Variants in DHX38 observed in about 807,000 individuals in gnomAD.
DHX38 encodes the protein pre-mRNA-splicing factor ATP-dependent RNA helicase PRP16.
A neutral mutation model predicts 153.1 loss-of-function variants in DHX38; 100 were observed. The observed-to-expected ratio is 0.65, with a 90% CI of 0.56 to 0.77. DHX38 has a LOEUF of 0.77. Among genes scored for constraint, DHX38 ranks in the 30% least tolerant of loss-of-function variants. DHX38 has a pLI of 0.00. For missense variants in DHX38, 1,440 were observed against 1,654.0 expected (o/e 0.87, Z 2.24); for synonymous variants, 650 against 631.7 (o/e 1.03, Z -0.43).
At position 72,099,187 on chromosome 16, in the gene DHX38, T is replaced by C. The variant is rs763467890; in HGVS notation, c.884-17T>C. 1.3e-5 allele frequency: 21 copies of C among 1,604,278 alleles called. No individual in the cohort carries two copies. Among genetic ancestry groups the C allele is most frequent in the Non-Finnish European group, 1.5e-5 (18 of 1,175,798 alleles). Reference sequence around the variant, plus strand: ...CAGGCCAGGGCATGGACTGACCTGCTTCCTGTGCTCCTCCAGGAAGACGTG... The same window carrying C: ...CAGGCCAGGGCATGGACTGACCTGCCTCCTGTGCTCCTCCAGGAAGACGTG... On this transcript the variant is annotated splice_polypyrimidine_tract_variant and intron_variant, in intron 6 of 26. Transcript: ENST00000268482.
Position 72,107,889 on chromosome 16 carries a change from C to T in DHX38, c.2964+90C>T. On this transcript the variant is annotated intron_variant, in intron 21 of 26. Coordinates refer to ENST00000268482, the MANE Select transcript of DHX38 (RefSeq NM_014003.4). This position sits in a 1 kb window ranked among gnomAD's most constrained non-coding sequence, Gnocchi z 5.3. ...TTCTCTCTGTATTACTGAAATGGAA[C>T]AGAGGGCAGAATCAGAGTTTCTGAA... is the stretch of plus-strand genomic sequence containing the variant. 6.7e-7 allele frequency: 1 copy of T among 1,495,050 alleles called. No individual in the cohort carries two copies. Among genetic ancestry groups the T allele is most frequent in the Non-Finnish European group, 9.0e-7 (1 of 1,110,356 alleles). The allele number at this position is 1,495,050 out of a possible 1,614,324, so 92.6% of individuals were successfully genotyped here. A position where few individuals can be genotyped will look rare whatever the true frequency, so the allele number is the denominator to read the frequency against.
At position 72,106,129 on chromosome 16, in the gene DHX38, G is replaced by A. The variant is rs767445480; in HGVS notation, c.2600+12G>A. Reference sequence around the variant, plus strand: ...GGTCAGTGTTTCAGGTAGGAGCCCTGTGCTAGCCTGCTTTCTGGGGCAGCG... The same window carrying A: ...GGTCAGTGTTTCAGGTAGGAGCCCTATGCTAGCCTGCTTTCTGGGGCAGCG... On this transcript the variant is annotated intron_variant, in intron 19 of 26. Transcript: ENST00000268482. 1 of 1,613,330 alleles carries A rather than the reference G, an allele frequency of 6.2e-7. No homozygotes were observed. Among genetic ancestry groups the A allele is most frequent in the South Asian group, 1.1e-5 (1 of 91,056 alleles).
Position 72,093,924 on chromosome 16 carries a change from A to T in DHX38, c.-147A>T, listed in dbSNP as rs1418201741. 1 of 152,374 alleles carries T rather than the reference A, an allele frequency of 6.6e-6. No individual in the cohort carries two copies. Among genetic ancestry groups the T allele is most frequent in the South Asian group, 2.1e-4 (1 of 4,832 alleles). The allele number at this position is 152,374 out of a possible 1,614,324, so 9.4% of individuals were successfully genotyped here. A position where few individuals can be genotyped will look rare whatever the true frequency, so the allele number is the denominator to read the frequency against. ...GGCGGATAGAGGGGGCGCGCAAAGT[A>T]TTAAGGGACAATAATGGCCGCTTTC... is the stretch of plus-strand genomic sequence containing the variant. On this transcript the variant is annotated 5_prime_UTR_variant, in exon 1 of 27. Transcript: ENST00000268482.
chr16:72,108,195 A>G, intron 21 of DHX38, 32 bp from the exon 22 acceptor site: 2 of 1,611,186 alleles, frequency 1.2e-6, no homozygotes, highest in African/African-American at 2.7e-5. Flanking sequence ...ACCCCCCTGT[A>G]CTTAGAGTGA....
chr16:72,103,134 A>C lies in DHX38; in HGVS notation c.1560A>C (p.Ala520=). Residue 520 remains alanine (A), a synonymous_variant, in exon 12 of 27, where the codon GCA becomes GCC. Coordinates refer to ENST00000268482, the MANE Select transcript of DHX38 (RefSeq NM_014003.4). ...AGAGCGAAGCCAGCAGTGAATTTGC[A>C]AAGAAGAAGTCCATCCTGGAGCAGA... ...KRKSEASSEF[A]KKKSILEQRQ... is the part of the protein sequence containing the mutation. 6.2e-7 allele frequency: 1 copy of C among 1,614,250 alleles called. No homozygotes were observed. Among genetic ancestry groups the C allele is most frequent in the Non-Finnish European group, 8.5e-7 (1 of 1,180,042 alleles).
At chr16:72,112,312 C>T in intron 26 of DHX38, 101 bp from the exon 27 acceptor site, 1 of 1,193,720 alleles carries the variant, frequency 8.4e-7, no homozygotes. Context: ...AGCTCCCCAC[C>T]ATGGGTTAGG....
chr16:72,103,751 G>C lies in DHX38; in HGVS notation c.1787G>C (p.Arg596Thr). 1 of 1,613,892 alleles carries C rather than the reference G, an allele frequency of 6.2e-7. No individual in the cohort carries two copies. Residue 596 changes from arginine to threonine, a missense_variant, in exon 13 of 27, where the codon AGA becomes ACA. Physicochemically the swap from Arg to Thr is moderately conservative, Grantham distance 71. Coordinates refer to ENST00000268482, the MANE Select transcript of DHX38 (RefSeq NM_014003.4). Reference sequence around the variant, plus strand: ...GTAGCTGCCATGTCAGTGGCCAAGAGAGTCAGTGAAGAGATGGGGGGAAAC... The same window carrying C: ...GTAGCTGCCATGTCAGTGGCCAAGACAGTCAGTGAAGAGATGGGGGGAAAC... ...RRVAAMSVAK[R>T]VSEEMGGNLG...
chr16:72,101,414 G>A, intron 10 of DHX38, 86 bp from the exon 11 acceptor site: 1 of 1,373,302 alleles, frequency 7.3e-7, no homozygotes, highest in Non-Finnish European at 1.0e-6. Context: ...CACCTGCGGG[G>A]TGAAGTCTGC....
In DHX38 at chr16:72,101,186, G is replaced by C; in HGVS notation, c.1379G>C (p.Arg460Pro). The C allele has an allele frequency of 6.2e-7, 1 of 1,614,228 alleles. No individual in the cohort carries two copies. Among genetic ancestry groups the C allele is most frequent in the Non-Finnish European group, 8.5e-7 (1 of 1,180,040 alleles). ...TVRKHREQKE[R>P]KKAQHKHWEL... ...CGGAAGCACAGGGAGCAGAAGGAGC[G>C]CAAGAAGGTTGGTTTCTTGGTTTCG... The change falls in exon 10 of 27, where the codon CGC becomes CCC. Residue 460 changes from arginine to proline, a missense_variant. Transcript: ENST00000268482.
chr16:72,110,865 A>G (rs562474263), intron 25 of DHX38, 91 bp from the exon 26 acceptor site: 1 of 1,476,022 alleles, frequency 6.8e-7, no homozygotes, highest in Non-Finnish European at 9.1e-7. Context: ...TGGATGCAGC[A>G]CCTGGTTTGT....
chr16:72,112,367 T>C (rs770917332), intron 26 of DHX38, 46 bp from the exon 27 acceptor site: 1 of 1,573,960 alleles, frequency 6.4e-7, no homozygotes, highest in Non-Finnish European at 8.7e-7. Context: ...CTCCTGGCTG[T>C]GGGTGAGGGC....
chr16:72,103,585 C>T lies in DHX38; in HGVS notation c.1638-17C>T, dbSNP rs2042129512. 2 of 1,594,520 alleles carry T rather than the reference C, an allele frequency of 1.3e-6. No homozygotes were observed. The highest frequency in any genetic ancestry group is 1.7e-5 in the Admixed American group (1 of 59,602). ...TCCACTTCGGCTGATAAGCCCTTTGCCTGCTTGTCCTTGTAGAGACAACAG... is the reference window on the plus strand; with the variant it reads ...TCCACTTCGGCTGATAAGCCCTTTGTCTGCTTGTCCTTGTAGAGACAACAG... On this transcript the variant is annotated splice_polypyrimidine_tract_variant and intron_variant, in intron 12 of 26. Transcript: ENST00000268482.
intron 25 of DHX38, 90 bp downstream of exon 25, chr16:72,109,600 C>A: frequency 8.3e-7 from 1 of 1,207,674 alleles, no homozygotes; most frequent in Non-Finnish European, 1.1e-6. Flanking sequence ...GGTCATCCAA[C>A]CCACTTACTT....
At chr16:72,102,799 G>C (rs1301749342) in intron 11 of DHX38, among the ~76,000 whole-genome samples, 1 of 152,226 alleles carries the variant, frequency 6.6e-6, no homozygotes, top group African/African-American at 2.4e-5. Context: ...TTTGGTTAGA[G>C]GGTTTGCTAA....
rs766450703 is a variant in DHX38 at position 72,110,956 on chromosome 16, G to A, written c.3478G>A (p.Glu1160Lys). The part of the protein sequence containing the change: ...SVKQAGKSRQ[E>K]NRRRAKEEAS... ...AGCCAGGTCTGTCCCTCTTCAATAGGAGAACCGTCGTCGGGCCAAAGAGGA... is the reference window on the plus strand; with the variant it reads ...AGCCAGGTCTGTCCCTCTTCAATAGAAGAACCGTCGTCGGGCCAAAGAGGA... The change falls in exon 26 of 27, where the codon GAG (glutamate) becomes AAG (lysine). Residue 1160 changes from glutamate to lysine, a missense_variant and splice_region_variant. Physicochemically the swap from Glu to Lys is moderately conservative, Grantham distance 56. Transcript: ENST00000268482. 7 of 1,586,946 alleles carry A rather than the reference G, an allele frequency of 4.4e-6. No individual in the cohort carries two copies. The highest frequency in any genetic ancestry group is 1.8e-5 in the Admixed American group (1 of 55,990).
intron 24 of DHX38, among the ~76,000 whole-genome samples, chr16:72,109,199 T>C (rs1336125717): frequency 1.3e-5 from 2 of 152,154 alleles, no homozygotes; most frequent in African/African-American, 4.8e-5. Context: ...ATTAGAAGGA[T>C]TTTCGGAGGG....
rs61749038 is a variant in DHX38 at position 72,099,243 on chromosome 16, C to T, written c.923C>T (p.Thr308Met). The T allele has an allele frequency of 7.1e-4, 1,144 of 1,612,704 alleles. No homozygotes were observed. Among genetic ancestry groups the T allele is most frequent in the Non-Finnish European group, 9.0e-4 (1,061 of 1,179,580 alleles). Residue 308 changes from threonine (T) to methionine (M), a missense_variant, in exon 7 of 27, where the codon ACG becomes ATG. Thr to Met is a moderately conservative substitution (Grantham distance 81, BLOSUM62 -1). Around this residue, in one of 6 missense-constraint regions of DHX38, gnomAD observed 483 missense variants for 465.1 expected, o/e 1.04. Transcript: ENST00000268482. ...GGCGAAGAAGGAATTTCATTTGACA[C>T]GGAGGAGGAGCGGCAGCAGTGGGAA... ...EEGEEGISFDTEEERQQWEDD... is the reference protein window; with the variant it reads ...EEGEEGISFDMEEERQQWEDD...
At chr16:72,103,007 A>G (rs538318313) in intron 11 of DHX38, 67 bp from the exon 12 acceptor site, 4 of 1,586,102 alleles carry the variant, frequency 2.5e-6, no homozygotes, top group African/African-American at 2.7e-5. Context: ...GAAGGAGGGC[A>G]GCAACCCAAT....
intron 18 of DHX38, 47 bp from the exon 19 acceptor site, chr16:72,105,958 T>C (rs202028347): frequency 1.3e-6 from 2 of 1,575,246 alleles, no homozygotes; most frequent in Non-Finnish European, 1.7e-6. Context: ...CTACTTCCAC[T>C]TTCCCCTCAC....
Sources: allele counts gnomAD v4.1 joint callset (sites outside exome capture counted in the v4.1 genomes callset), GRCh38; gene constraint gnomAD v4.1.1; regional missense constraint gnomAD v4.1.1; non-coding constraint Gnocchi (gnomAD v3.1); transcripts MANE v1.5; gene names NCBI Gene and HGNC (gene_info 2026-07-23, HGNC 2026-07-21).